The following LRRC4C variants were observed in gnomAD, a reference collection of about 807,000 sequenced individuals.
LRRC4C encodes leucine rich repeat containing 4C.
Under a neutral mutation model 33.6 loss-of-function variants are expected in LRRC4C, and 5 were observed. The observed-to-expected ratio is 0.15, with a 90% CI of 0.08 to 0.31. LRRC4C has a LOEUF of 0.31. LRRC4C is among the 10% of genes least tolerant of loss of function. The pLI, the probability that LRRC4C is intolerant of heterozygous loss-of-function variation, is 1.00. For missense variants in LRRC4C, 560 were observed against 796.7 expected (o/e 0.70, Z 3.58); for synonymous variants, 329 against 302.0 (o/e 1.09, Z -0.93).
At chr11:41,297,866 A>G (rs1950185451) in intron 1 of LRRC4C, among the ~76,000 whole-genome samples, 2 of 152,202 alleles carry the variant, frequency 1.3e-5, no homozygotes, top group African/African-American at 4.8e-5. Context: ...ATAACAGATG[A>G]TTGACAGGAC....
intron 1 of LRRC4C, among the ~76,000 whole-genome samples, chr11:41,375,795 T>G (rs1467803096): frequency 2.6e-5 from 4 of 152,114 alleles, no homozygotes; most frequent in Non-Finnish European, 2.9e-5. Flanking sequence ...AGTTTGAGTT[T>G]ATCAGTTGAG....
chr11:40,857,685 C>A (rs1419742579), intron 2 of LRRC4C, among the ~76,000 whole-genome samples: 1 of 152,064 alleles, frequency 6.6e-6, no homozygotes, highest in Non-Finnish European at 1.5e-5. Context: ...GAGGCCGAGG[C>A]AGGTAGATTA....
At chr11:41,418,506 A>G (rs1422415939) in intron 1 of LRRC4C, among the ~76,000 whole-genome samples, 2 of 152,008 alleles carry the variant, frequency 1.3e-5, no homozygotes, top group Admixed American at 1.3e-4. Flanking sequence ...TGTAATATTA[A>G]ACAGAAAGCA....
At chr11:41,276,579 T>C (rs1410862342) in intron 1 of LRRC4C, among the ~76,000 whole-genome samples, 1 of 152,184 alleles carries the variant, frequency 6.6e-6, no homozygotes, top group Non-Finnish European at 1.5e-5. Flanking sequence ...TTCTCTTCTT[T>C]GTTAGATAGT....
chr11:40,901,575 A>G (rs529382690), intron 2 of LRRC4C, among the ~76,000 whole-genome samples: 7 of 152,196 alleles, frequency 4.6e-5, no homozygotes, highest in African/African-American at 1.7e-4. Flanking sequence ...CTCCCAGAAA[A>G]TTACTGATGG....
At chr11:41,193,721 G>A (rs1274083384) in intron 1 of LRRC4C, among the ~76,000 whole-genome samples, 2 of 152,018 alleles carry the variant, frequency 1.3e-5, no homozygotes, top group East Asian at 3.9e-4. Context: ...GCCAGACGAG[G>A]TAGAAATATA....
At chr11:40,977,089 A>T (rs1852139194) in intron 1 of LRRC4C, among the ~76,000 whole-genome samples, 1 of 152,110 alleles carries the variant, frequency 6.6e-6, no homozygotes. Flanking sequence ...CACAAAACCT[A>T]GATTGCTGAT....
At chr11:41,371,696 T>C (rs973537992) in intron 1 of LRRC4C, among the ~76,000 whole-genome samples, 1 of 152,338 alleles carries the variant, frequency 6.6e-6, no homozygotes, top group South Asian at 2.1e-4. Context: ...TAAATATTTA[T>C]GGGGAAGAAT....
intron 4 of LRRC4C, among the ~76,000 whole-genome samples, chr11:40,261,273 A>G (rs1212484022): frequency 6.6e-6 from 1 of 152,224 alleles, no homozygotes; most frequent in Non-Finnish European, 1.5e-5. Flanking sequence ...GATTTGAAAA[A>G]GAAAGAAATA....
chr11:40,778,861 G>T (rs61888008), intron 2 of LRRC4C, among the ~76,000 whole-genome samples: 11,687 of 152,204 alleles, frequency 0.077, 488 homozygotes, highest in Middle Eastern at 0.1. Context: ...TGGGAAAGGG[G>T]TAGGGAATGA....
intron 2 of LRRC4C, among the ~76,000 whole-genome samples, chr11:40,798,724 A>T (rs1950928463): frequency 6.6e-6 from 1 of 151,066 alleles, no homozygotes; most frequent in Admixed American, 6.6e-5. Flanking sequence ...GTTCACTGCA[A>T]CCTCTGCCTA....
At chr11:40,574,488 G>A (rs1565518583) in intron 3 of LRRC4C, among the ~76,000 whole-genome samples, 1 of 152,154 alleles carries the variant, frequency 6.6e-6, no homozygotes, top group Non-Finnish European at 1.5e-5. Context: ...CAGAAATCAA[G>A]CCCTCCCATA....
At chr11:41,246,345 C>T (rs1565514490) in intron 1 of LRRC4C, among the ~76,000 whole-genome samples, 1 of 152,298 alleles carries the variant, frequency 6.6e-6, no homozygotes, top group African/African-American at 2.4e-5. Flanking sequence ...CTGGGCTTGG[C>T]CACAACTTTG....
chr11:40,537,699 C>T (rs1591039071), intron 3 of LRRC4C, among the ~76,000 whole-genome samples: 2 of 152,240 alleles, frequency 1.3e-5, no homozygotes, highest in Admixed American at 1.3e-4. Context: ...ATCCTCTCAG[C>T]TCCTAAAGAC....
chr11:40,418,888 C>A (rs1030289780), intron 3 of LRRC4C, among the ~76,000 whole-genome samples: 12 of 152,240 alleles, frequency 7.9e-5, no homozygotes, highest in African/African-American at 2.4e-4. Context: ...AACCAAACAC[C>A]ACATGTTCTC....
chr11:40,901,732 G>A (rs1956208945), intron 2 of LRRC4C, among the ~76,000 whole-genome samples: 1 of 152,030 alleles, frequency 6.6e-6, no homozygotes, highest in Non-Finnish European at 1.5e-5. Context: ...GGTATTTGTA[G>A]AGTGAACCGT....
chr11:40,929,629 T>C (rs1023503393), intron 2 of LRRC4C, among the ~76,000 whole-genome samples: 3 of 152,108 alleles, frequency 2.0e-5, no homozygotes, highest in Non-Finnish European at 4.4e-5. Flanking sequence ...ATTTTATTTT[T>C]TTTGAGACAG....
intron 3 of LRRC4C, among the ~76,000 whole-genome samples, chr11:40,552,641 G>T (rs901183382): frequency 1.3e-5 from 2 of 152,192 alleles, no homozygotes; most frequent in South Asian, 4.1e-4. Flanking sequence ...AGCAACATTT[G>T]TTTATCACAG....
chr11:41,179,545 T>C (rs938999280), intron 1 of LRRC4C, among the ~76,000 whole-genome samples: 7 of 152,208 alleles, frequency 4.6e-5, no homozygotes, highest in South Asian at 4.1e-4. Context: ...ACTTTCCTCG[T>C]ATTTTATTTC....
Sources: gnomAD v4.1 joint callset for allele counts (sites outside exome capture counted in the v4.1 genomes callset) on GRCh38, gnomAD v4.1.1 for gene constraint, MANE v1.5 for transcripts, NCBI Gene and HGNC (gene_info 2026-07-23, HGNC 2026-07-21) for gene names.